NDNF: variants seen among roughly 807,000 people sequenced by gnomAD.
NDNF encodes the protein protein NDNF.
A neutral mutation model predicts 42.0 loss-of-function variants in NDNF; 16 were observed. That is an observed-to-expected ratio of 0.38 (90% confidence interval 0.26 to 0.58). NDNF has a LOEUF of 0.58. Ranked by LOEUF, NDNF falls within the 20% of genes least tolerant of loss-of-function variation. The probability of loss-of-function intolerance (pLI) is 0.67; values close to 1 mark genes in which losing one functional copy is unlikely to be tolerated. For synonymous variants in NDNF, 248 were observed against 251.7 expected (o/e 0.99, Z 0.14); for missense variants, 616 against 666.2 (o/e 0.92, Z 0.83).
At chr4:121,064,021 T>G (rs1316115397) in intron 1 of NDNF, among the ~76,000 whole-genome samples, 1 of 152,368 alleles carries the variant, frequency 6.6e-6, no homozygotes, top group Non-Finnish European at 1.5e-5. Context: ...TATGGTCTTG[T>G]GGATTTAGGC....
intron 1 of NDNF, among the ~76,000 whole-genome samples, chr4:121,050,634 A>C (rs1195231391): frequency 1.3e-5 from 2 of 152,114 alleles, no homozygotes; most frequent in Non-Finnish European, 2.9e-5. Flanking sequence ...ACCCAAAAGA[A>C]CTTGGTAGTG....
intron 2 of NDNF, among the ~76,000 whole-genome samples, chr4:121,042,929 G>A (rs1727027197): frequency 6.6e-6 from 1 of 152,124 alleles, no homozygotes; most frequent in Non-Finnish European, 1.5e-5. Flanking sequence ...ATAAAACAAT[G>A]CTTTCATTCC....
rs111690565 is a variant in NDNF at position 121,059,555 on chromosome 4, A to G, written c.-2+12438T>C. On this transcript the variant is annotated intron_variant, in intron 1 of 3. Transcript: ENST00000379692. ...GGCATGGCTGCCATACAGTGATGGCATGTGCTGGATGGTCCGGGAGCCTGG... is the reference window on the plus strand; with the variant it reads ...GGCATGGCTGCCATACAGTGATGGCGTGTGCTGGATGGTCCGGGAGCCTGG... Among the ~76,000 whole-genome samples the G allele has an allele frequency of 8.2e-3, 1,255 of 152,354 alleles. 8 individuals are homozygous for G. Among genetic ancestry groups the G allele is most frequent in the Non-Finnish European group, 0.01 (690 of 68,030 alleles).
At chr4:121,055,752 G>A (rs746791583) in intron 1 of NDNF, among the ~76,000 whole-genome samples, 34 of 152,090 alleles carry the variant, frequency 2.2e-4, no homozygotes, top group Admixed American at 3.9e-4. Context: ...AATGGGATCC[G>A]CCAGATACAT....
rs763295881 is a variant in NDNF at position 121,036,916 on chromosome 4, T to C, written c.1055A>G (p.Asp352Gly). ...TGCTCCCTTCCTTTTAACAAATACA[T>C]CTGTTATCTTCCCATCTTTTAGCTC... ...TVELKDGKIT[D>G]VFVKRKGAKF... is the part of the protein sequence containing the mutation. The change falls in exon 4 of 4, where the codon GAT (aspartate) becomes GGT (glycine). Residue 352 changes from aspartate to glycine, a missense_variant. Physicochemically the swap from Asp to Gly is moderately conservative, Grantham distance 94. Coordinates refer to ENST00000379692, the MANE Select transcript of NDNF (RefSeq NM_024574.4). The C allele has an allele frequency of 1.3e-5, 21 of 1,613,806 alleles. No homozygotes were observed. Among genetic ancestry groups the C allele is most frequent in the Middle Eastern group, 3.3e-4 (2 of 6,082 alleles).
intron 1 of NDNF, among the ~76,000 whole-genome samples, chr4:121,046,042 C>T (rs1727086440): frequency 6.6e-6 from 1 of 152,130 alleles, no homozygotes; most frequent in Non-Finnish European, 1.5e-5. Context: ...AATAAATTCA[C>T]TAGAATTTCA....
chr4:121,040,134 G>T lies in NDNF; in HGVS notation c.189-80C>A. ...CAAGACTTACCAGAAAAATCATTTG[G>T]TTTTAATTTTTTTTTCATTTTATAA... On this transcript the variant is annotated intron_variant, in intron 2 of 3. Transcript: ENST00000379692. 5.3e-6 allele frequency: 7 copies of T among 1,331,504 alleles called. No individual in the cohort carries two copies. The East Asian group carries it at 8.4e-5, about 16-fold the overall frequency. The allele number at this position is 1,331,504 out of a possible 1,614,324, so 82.5% of individuals were successfully genotyped here.
In NDNF at chr4:121,039,149, ATATATATG is replaced by A. The variant is rs1265158941; in HGVS notation, c.313+773_313+780del. ...TACATAGTTATATATATATGTGTAT[ATATATATG>A]TATATATATATATAAAGACTATGTG... is the stretch of plus-strand genomic sequence containing the variant. On this transcript the variant is annotated intron_variant, in intron 3 of 3. Coordinates refer to ENST00000379692, the MANE Select transcript of NDNF (RefSeq NM_024574.4). Among the ~76,000 whole-genome samples, 36 of 41,118 alleles carry A rather than the reference ATATATATG, an allele frequency of 8.8e-4. 1 individual carries two copies. The highest frequency in any genetic ancestry group is 2.6e-3 in the Non-Finnish European group (31 of 11,928). 27.0% of individuals were successfully genotyped at this position (41,118 alleles called of 152,430 possible).
At chr4:121,049,790 A>C (rs1727158060) in intron 1 of NDNF, among the ~76,000 whole-genome samples, 1 of 152,196 alleles carries the variant, frequency 6.6e-6, no homozygotes, top group South Asian at 2.1e-4. Flanking sequence ...CTAAAATTCC[A>C]TCAGGCCACA....
intron 3 of NDNF, 75 bp from the exon 4 acceptor site, chr4:121,037,732 A>G: frequency 9.2e-7 from 1 of 1,091,552 alleles, no homozygotes. Context: ...TTATCCTTTT[A>G]TCTTATTTTT....
chr4:121,039,186 GTGTGTGTATATATA>G (rs796125934), intron 3 of NDNF, among the ~76,000 whole-genome samples: 847 of 16,344 alleles, frequency 0.052, 97 homozygotes, highest in East Asian at 0.2. Context: ...CTATGTGTGT[GTGTGTGTATATATA>G]TATATATATA....
intron 1 of NDNF, among the ~76,000 whole-genome samples, chr4:121,050,295 T>G (rs1254622960): frequency 6.6e-6 from 1 of 152,194 alleles, no homozygotes; most frequent in Non-Finnish European, 1.5e-5. Context: ...TTAAATTGCT[T>G]TATAAGAACA....
intron 1 of NDNF, chr4:121,061,115 T>A (rs2148770915): frequency 6.6e-6 from 1 of 152,322 alleles, no homozygotes; most frequent in East Asian, 1.9e-4. Flanking sequence ...AGGAACAGTC[T>A]TCAAGTATGT....
chr4:121,036,512 C>G lies in NDNF; in HGVS notation c.1459G>C (p.Asp487His), dbSNP rs768280639. 2.5e-6 allele frequency: 4 copies of G among 1,614,020 alleles called. No homozygotes were observed. The highest frequency in any genetic ancestry group is 3.4e-6 in the Non-Finnish European group (4 of 1,180,032). The change falls in exon 4 of 4, where the codon GAT becomes CAT. Residue 487 changes from aspartate (D) to histidine (H), a missense_variant. Asp to His is a moderately conservative substitution (Grantham distance 81, BLOSUM62 -1). Transcript: ENST00000379692. ...KFCIYKKEVD[D>H]NYNEDQKKRE... is the part of the protein sequence containing the mutation. Reference sequence around the variant, plus strand: ...TTCTTCTGGTCTTCATTGTAGTTATCATCCACTTCTTTTTTGTAGATGCAA... The same window carrying G: ...TTCTTCTGGTCTTCATTGTAGTTATGATCCACTTCTTTTTTGTAGATGCAA...
At chr4:121,060,982 A>C (rs1289459974) in intron 1 of NDNF, among the ~76,000 whole-genome samples, 1 of 152,226 alleles carries the variant, frequency 6.6e-6, no homozygotes, top group African/African-American at 2.4e-5. Context: ...TAGATGTACC[A>C]GGGACCTTAA....
chr4:121,061,721 T>C (rs1291306193), intron 1 of NDNF, among the ~76,000 whole-genome samples: 1 of 152,260 alleles, frequency 6.6e-6, no homozygotes, highest in African/African-American at 2.4e-5. Context: ...TTTATTCATT[T>C]ATTCATGCAT....
At chr4:121,061,442 G>A (rs749659648) in intron 1 of NDNF, 1 of 153,048 alleles carries the variant, frequency 6.5e-6, no homozygotes, top group Non-Finnish European at 1.5e-5. Flanking sequence ...GCGATCAAAG[G>A]GTTGACAAAT....
intron 1 of NDNF, among the ~76,000 whole-genome samples, chr4:121,058,712 T>C (rs1727345621): frequency 6.6e-6 from 1 of 152,128 alleles, no homozygotes; most frequent in African/African-American, 2.4e-5. Flanking sequence ...TTGCTGCGTA[T>C]TCTCCCAAAT....
chr4:121,047,965 T>G, intron 1 of NDNF, among the ~76,000 whole-genome samples: 1 of 152,192 alleles, frequency 6.6e-6, no homozygotes, highest in East Asian at 1.9e-4. Context: ...CAAGACTAGG[T>G]TGATATAATC....
Sources: allele counts gnomAD v4.1 joint callset (sites outside exome capture counted in the v4.1 genomes callset), GRCh38; gene constraint gnomAD v4.1.1; transcripts MANE v1.5; gene names NCBI Gene and HGNC (gene_info 2026-07-23, HGNC 2026-07-21).